Variants in NCKAP1L observed in about 807,000 individuals in gnomAD.
The protein encoded by NCKAP1L is NCK associated protein 1 like.
In NCKAP1L, 53 loss-of-function variants were observed where a neutral mutation model predicts 139.2. The ratio of observed to expected loss-of-function variants is 0.38; its 90% CI spans 0.31 to 0.48. The LOEUF is 0.48. Ranked by LOEUF, NCKAP1L falls within the 20% of genes least tolerant of loss-of-function variation. The pLI, the probability that NCKAP1L is intolerant of heterozygous loss-of-function variation, is 0.98. For synonymous variants in NCKAP1L, 468 were observed against 499.7 expected (o/e 0.94, Z 0.85); for missense variants, 1,151 against 1,381.9 (o/e 0.83, Z 2.65).
intron 20 of NCKAP1L, 43 bp from the exon 21 acceptor site, chr12:54,526,485 C>A (rs2120942700): frequency 6.8e-7 from 1 of 1,475,094 alleles, no homozygotes; most frequent in South Asian, 1.1e-5. Context: ...CTGTATTTGC[C>A]ATTATGATTG....
intron 30 of NCKAP1L, among the ~76,000 whole-genome samples, chr12:54,542,351 C>T (rs141827883): frequency 5.7e-4 from 87 of 152,268 alleles, no homozygotes; most frequent in Non-Finnish European, 1.0e-3. Flanking sequence ...GTGCCCTTCA[C>T]ATAGTCCTGA....
Position 54,544,432 on chromosome 12 carries a change from T to C in NCKAP1L, c.*1747T>C, listed in dbSNP as rs1957183748. Reference sequence around the variant, plus strand: ...TGCCTTTTTTTAAAACTGAAAATTTTATTGAGATACTTAATCCACCTGCAC... The same window carrying C: ...TGCCTTTTTTTAAAACTGAAAATTTCATTGAGATACTTAATCCACCTGCAC... On this transcript the variant is annotated 3_prime_UTR_variant, in exon 31 of 31. Transcript: ENST00000293373. 1 of 152,206 alleles carries C rather than the reference T, an allele frequency of 6.6e-6. No homozygotes were observed. The highest frequency in any genetic ancestry group is 1.5e-5 in the Non-Finnish European group (1 of 68,042). 9.4% of individuals were successfully genotyped at this position (152,206 alleles called of 1,614,324 possible). A position where few individuals can be genotyped will look rare whatever the true frequency, so the allele number is the denominator to read the frequency against.
chr12:54,533,651 C>T (rs1957091407), intron 26 of NCKAP1L, among the ~76,000 whole-genome samples: 1 of 152,070 alleles, frequency 6.6e-6, no homozygotes, highest in Non-Finnish European at 1.5e-5. Context: ...ACTGCAACCT[C>T]TACCTCCTGG....
At chr12:54,519,093 G>T (rs1217582735) in intron 15 of NCKAP1L, 94 bp from the exon 16 acceptor site, 3 of 1,567,556 alleles carry the variant, frequency 1.9e-6, no homozygotes, top group Non-Finnish European at 2.6e-6. Flanking sequence ...CTGCTAATTG[G>T]ACAAGACATA....
chr12:54,518,605 T>G, intron 13 of NCKAP1L, 46 bp from the exon 14 acceptor site: 4 of 1,452,030 alleles, frequency 2.8e-6, no homozygotes, highest in African/African-American at 1.4e-5. Flanking sequence ...GTTTCTGTCC[T>G]AGGGAACCTG....
chr12:54,528,719 G>A (rs969934235), intron 22 of NCKAP1L, among the ~76,000 whole-genome samples: 5 of 151,678 alleles, frequency 3.3e-5, no homozygotes, highest in East Asian at 1.9e-4. Context: ...TGCGCCTCCC[G>A]GGTTCAAGCA....
intron 3 of NCKAP1L, among the ~76,000 whole-genome samples, chr12:54,505,650 T>G (rs1956834082): frequency 7.2e-6 from 1 of 139,656 alleles, no homozygotes; most frequent in Non-Finnish European, 1.5e-5. Flanking sequence ...TATCAGTGAT[T>G]CAGTACCCCG....
rs1211295304 is a variant in NCKAP1L at position 54,508,477 on chromosome 12, G to A, written c.452G>A (p.Arg151Gln). Residue 151 changes from arginine (R) to glutamine (Q), a missense_variant, in exon 5 of 31, where the codon CGG becomes CAG. Coordinates refer to ENST00000293373, the MANE Select transcript of NCKAP1L (RefSeq NM_005337.5). ...VILLLSRIED[R>Q]RILIGMYNCA... ...TTACTTCTGTCACGGATTGAAGATC[G>A]GCGGATACTCATTGGCATGTACAAT... 6.8e-6 allele frequency: 11 copies of A among 1,614,008 alleles called. No individual in the cohort carries two copies. Among genetic ancestry groups the A allele is most frequent in the Non-Finnish European group, 9.3e-6 (11 of 1,179,994 alleles).
At chr12:54,498,377 G>A (rs1474872779) in intron 1 of NCKAP1L, among the ~76,000 whole-genome samples, 1 of 147,482 alleles carries the variant, frequency 6.8e-6, no homozygotes, top group Non-Finnish European at 1.5e-5. Context: ...AGCTGCTCCT[G>A]GGGTAGTTCA....
In NCKAP1L at chr12:54,544,765, A is replaced by C. The variant is rs906621822; in HGVS notation, c.*2080A>C. 6.6e-6 allele frequency: 1 copy of C among 152,270 alleles called. No individual in the cohort carries two copies. The highest frequency in any genetic ancestry group is 2.4e-5 in the African/African-American group (1 of 41,424). 9.4% of individuals were successfully genotyped at this position (152,270 alleles called of 1,614,324 possible). A position where few individuals can be genotyped will look rare whatever the true frequency, so the allele number is the denominator to read the frequency against. On this transcript the variant is annotated 3_prime_UTR_variant, in exon 31 of 31. Transcript: ENST00000293373. ...TGTAATCCCAGCACTTTGGGAGGCC[A>C]AGGCAGGTGGATCACCTGAGGTCAG...
intron 6 of NCKAP1L, 22 bp from the exon 7 acceptor site, chr12:54,509,825 GT>G (rs780323116): frequency 1.9e-6 from 3 of 1,614,010 alleles, no homozygotes; most frequent in Non-Finnish European, 2.5e-6. Context: ...TGCCGCTAAG[GT>G]TTCATTTGCT....
At chr12:54,523,798 G>A (rs1228653162) in intron 19 of NCKAP1L, 27 bp from the exon 20 acceptor site, 1 of 1,605,956 alleles carries the variant, frequency 6.2e-7, no homozygotes, top group South Asian at 1.1e-5. Context: ...TGCCAGACCT[G>A]TAATCCAGGC....
At position 54,530,168 on chromosome 12, in the gene NCKAP1L, G is replaced by A. The variant is rs527746842; in HGVS notation, c.2507-1092G>A. On this transcript the variant is annotated intron_variant, in intron 22 of 30. Transcript: ENST00000293373. ...CTGCTTTGAAAGACTTGAGTGTGGA[G>A]CCTTGACTTCCATTTCTCTCTGAAC... 2.6e-5 allele frequency among the ~76,000 whole-genome samples: 4 copies of A among 152,330 alleles called. No homozygotes were observed. The East Asian group carries it at 5.8e-4, about 22-fold the overall frequency.
At chr12:54,541,207 A>G (rs1957155552) in intron 30 of NCKAP1L, among the ~76,000 whole-genome samples, 1 of 152,216 alleles carries the variant, frequency 6.6e-6, no homozygotes, top group South Asian at 2.1e-4. Flanking sequence ...ACAAGTCATA[A>G]AGATGAGGAA....
chr12:54,531,993 C>A (rs560425478), intron 25 of NCKAP1L, among the ~76,000 whole-genome samples, 168 bp downstream of exon 25: 2 of 152,012 alleles, frequency 1.3e-5, no homozygotes, highest in South Asian at 4.2e-4. Flanking sequence ...CCTAGAAGAT[C>A]CCTAGGAATA....
Position 54,523,467 on chromosome 12 carries a change from C to T in NCKAP1L, c.1952C>T (p.Pro651Leu), listed in dbSNP as rs1565679155. The change falls in exon 19 of 31, where the codon CCC (proline) becomes CTC (leucine). Residue 651 changes from proline to leucine, a missense_variant. By Grantham distance (98) the Pro-to-Leu change is moderately conservative. Coordinates refer to ENST00000293373, the MANE Select transcript of NCKAP1L (RefSeq NM_005337.5). ...NKKTRKQRQT[P>L]RKGEPERDKP... Reference sequence around the variant, plus strand: ...AAAACCAGGAAGCAGAGGCAGACTCCCAGAAAAGGAGAGCCCGAGAGGGAC... The same window carrying T: ...AAAACCAGGAAGCAGAGGCAGACTCTCAGAAAAGGAGAGCCCGAGAGGGAC... 6.2e-7 allele frequency: 1 copy of T among 1,614,096 alleles called. No homozygotes were observed. Among genetic ancestry groups the T allele is most frequent in the African/African-American group, 1.3e-5 (1 of 75,000 alleles).
In NCKAP1L at chr12:54,532,180, C is replaced by T. The variant is rs772022829; in HGVS notation, c.2792C>T (p.Ser931Phe). 6.2e-7 allele frequency: 1 copy of T among 1,612,738 alleles called. No homozygotes were observed. Among genetic ancestry groups the T allele is most frequent in the East Asian group, 2.2e-5 (1 of 44,836 alleles). ...AQEGLREVFS[S>F]HCPFLMGPIE... ...TTCTCTTTCCTCCAGGTTTTCTCCTCCCACTGCCCATTTCTTATGGGTCCC... is the reference window on the plus strand; with the variant it reads ...TTCTCTTTCCTCCAGGTTTTCTCCTTCCACTGCCCATTTCTTATGGGTCCC... Residue 931 changes from serine to phenylalanine, a missense_variant, in exon 26 of 31, where the codon TCC becomes TTC. Physicochemically the swap from Ser to Phe is radical, Grantham distance 155. Transcript: ENST00000293373.
At chr12:54,541,877 C>T (rs1009732429) in intron 30 of NCKAP1L, among the ~76,000 whole-genome samples, 2 of 152,022 alleles carry the variant, frequency 1.3e-5, no homozygotes, top group Non-Finnish European at 2.9e-5. Context: ...GGGATGGGGA[C>T]CCTCCAGTCC....
chr12:54,509,560 G>A (rs1565673936), intron 5 of NCKAP1L, 109 bp from the exon 6 acceptor site: 1 of 743,104 alleles, frequency 1.3e-6, no homozygotes, highest in South Asian at 1.6e-5. Flanking sequence ...ATCTTTGGAG[G>A]TGGTGGGGAG....
Sources: gnomAD v4.1 joint callset for allele counts (sites outside exome capture counted in the v4.1 genomes callset) on GRCh38, gnomAD v4.1.1 for gene constraint, MANE v1.5 for transcripts, NCBI Gene and HGNC (gene_info 2026-07-23, HGNC 2026-07-21) for gene names.